BAG1: variants seen among roughly 807,000 people sequenced by gnomAD.
BAG1 encodes the protein BAG family molecular chaperone regulator 1.
BAG1 carries 35 observed loss-of-function variants against 35.5 expected under a neutral mutation model. The observed-to-expected ratio is 0.99, with a 90% CI of 0.75 to 1.31. The LOEUF is 1.31. BAG1 is among the 50% of genes most tolerant of loss of function. The pLI is 0.00. For missense variants in BAG1, 464 were observed against 453.6 expected, an observed-to-expected ratio of 1.02 and a Z score of -0.21; for synonymous variants, 191 against 178.9, an observed-to-expected ratio of 1.07 and a Z score of -0.54.
chr9:33,252,557 T>TTTTATA lies in BAG1; in HGVS notation c.*2661_*2662insTATAAA, dbSNP rs1820358413. On this transcript the variant is annotated 3_prime_UTR_variant, in exon 7 of 7. Transcript: ENST00000634734. ...TGTTATATATGTTATATATGTTATG[T>TTTTATA]TATATATATATATGTTATATATGTA... 1 of 148,162 alleles carries TTTTATA rather than the reference T, an allele frequency of 6.7e-6. No homozygotes were observed. Among genetic ancestry groups the TTTTATA allele is most frequent in the Admixed American group, 6.7e-5 (1 of 14,820 alleles). 9.2% of individuals were successfully genotyped at this position (148,162 alleles called of 1,614,324 possible).
In BAG1 at chr9:33,255,038, G is replaced by A; in HGVS notation, c.*181C>T. ...CAGAGACAGAAGGAGAAAACAGATA[G>A]GAGCTTTACTCAAAATCACAAAGAC... On this transcript the variant is annotated 3_prime_UTR_variant, in exon 7 of 7. Coordinates refer to ENST00000634734, the MANE Select transcript of BAG1 (RefSeq NM_004323.6). 1 of 1,541,184 alleles carries A rather than the reference G, an allele frequency of 6.5e-7. No individual in the cohort carries two copies. Among genetic ancestry groups the A allele is most frequent in the Non-Finnish European group, 8.8e-7 (1 of 1,140,462 alleles).
intron 3 of BAG1, chr9:33,260,594 AT>A (rs1045449929): frequency 6.6e-6 from 1 of 152,460 alleles, no homozygotes; most frequent in Admixed American, 6.5e-5. Flanking sequence ...TGCTGACCTC[AT>A]CTGTCTTTTT....
intron 3 of BAG1, among the ~76,000 whole-genome samples, chr9:33,260,691 G>A (rs1564080631): frequency 6.6e-6 from 1 of 152,160 alleles, no homozygotes; most frequent in East Asian, 1.9e-4. Flanking sequence ...TTGGTTAAAG[G>A]GAGAGAGGCT....
intron 1 of BAG1, among the ~76,000 whole-genome samples, chr9:33,263,866 C>T (rs74731826): frequency 1.3e-5 from 2 of 152,224 alleles, no homozygotes; most frequent in Non-Finnish European, 2.9e-5. Flanking sequence ...GCACGAAGTT[C>T]TGACTTATCA....
In BAG1 at chr9:33,261,077, A is replaced by G; in HGVS notation, c.663+10T>C. Reference sequence around the variant, plus strand: ...GATTCTGAGGATTTCTGATGGAAAAAGCAATTTACCTTTTTCCCAATTAAC... The same window carrying G: ...GATTCTGAGGATTTCTGATGGAAAAGGCAATTTACCTTTTTCCCAATTAAC... On this transcript the variant is annotated intron_variant, in intron 3 of 6. Coordinates refer to ENST00000634734, the MANE Select transcript of BAG1 (RefSeq NM_004323.6). 6.3e-7 allele frequency: 1 copy of G among 1,596,894 alleles called. No individual in the cohort carries two copies. Among genetic ancestry groups the G allele is most frequent in the Non-Finnish European group, 8.5e-7 (1 of 1,170,326 alleles).
chr9:33,253,057 G>A lies in BAG1; in HGVS notation c.*2162C>T, dbSNP rs1175908754. 1 of 152,198 alleles carries A rather than the reference G, an allele frequency of 6.6e-6. No individual in the cohort carries two copies. Among genetic ancestry groups the A allele is most frequent in the Admixed American group, 6.5e-5 (1 of 15,284 alleles). 9.4% of individuals were successfully genotyped at this position (152,198 alleles called of 1,614,324 possible). On this transcript the variant is annotated 3_prime_UTR_variant, in exon 7 of 7. Transcript: ENST00000634734. ...GTAAAGACTTTTGCCTAAAGAGAAA[G>A]TGAGCCATTGGAGGGTTCTAAGCAG...
chr9:33,256,681 G>C, intron 5 of BAG1, 120 bp downstream of exon 5: 2 of 782,156 alleles, frequency 2.6e-6, no homozygotes, highest in South Asian at 3.4e-5. Flanking sequence ...AATAGTAGAT[G>C]CTTAATATTC....
chr9:33,259,145 G>C, intron 3 of BAG1, 112 bp from the exon 4 acceptor site: 1 of 754,592 alleles, frequency 1.3e-6, no homozygotes, highest in Non-Finnish European at 2.1e-6. Flanking sequence ...CAGATCATTT[G>C]AGGTCAGGAG....
At chr9:33,261,789 A>T (rs1482011809) in intron 2 of BAG1, 2 of 811,052 alleles carry the variant, frequency 2.5e-6, no homozygotes, top group Non-Finnish European at 3.0e-6. Context: ...TACCAGAATG[A>T]TAGATTCTCA....
At chr9:33,262,923 A>G (rs1279135149) in intron 1 of BAG1, 93 bp from the exon 2 acceptor site, 3 of 1,532,722 alleles carry the variant, frequency 2.0e-6, no homozygotes, top group Admixed American at 1.9e-5. Context: ...CCAGCCTTCA[A>G]GGCCCAGCTC....
chr9:33,253,153 G>A lies in BAG1; in HGVS notation c.*2066C>T, dbSNP rs1820373501. 6.6e-6 allele frequency: 1 copy of A among 152,322 alleles called. No homozygotes were observed. Among genetic ancestry groups the A allele is most frequent in the Admixed American group, 6.5e-5 (1 of 15,286 alleles). 9.4% of individuals were successfully genotyped at this position (152,322 alleles called of 1,614,324 possible). On this transcript the variant is annotated 3_prime_UTR_variant, in exon 7 of 7. Transcript: ENST00000634734. ...TCTAAAGAAAATGAACTAGAGCAGA[G>A]AGGAAGTGGGAGCTAGAGGGAGAGG... is the stretch of plus-strand genomic sequence containing the variant.
intron 3 of BAG1, 82 bp downstream of exon 3, chr9:33,261,004 CA>C (rs1215539596): frequency 2.7e-6 from 3 of 1,128,230 alleles, no homozygotes; most frequent in Non-Finnish European, 3.8e-6. Context: ...TCTGGGTCCC[CA>C]GTTTGGTCTT....
chr9:33,264,071 A>C (rs567230694), intron 1 of BAG1, 153 bp downstream of exon 1: 1 of 924,826 alleles, frequency 1.1e-6, no homozygotes, highest in South Asian at 1.7e-5. Flanking sequence ...GCCCGGGACA[A>C]AAGACAGTTC....
In BAG1 at chr9:33,264,669, A is replaced by G. The variant is rs760456112; in HGVS notation, c.6T>C (p.Ala2=). ...GCGGTCTCCGCGCCCCCCCGCGCTGAGCCAGGCCCGCACTTGTTGACCGCC... is the reference window on the plus strand; with the variant it reads ...GCGGTCTCCGCGCCCCCCCGCGCTGGGCCAGGCCCGCACTTGTTGACCGCC... The change falls in exon 1 of 7, where the codon GCT becomes GCC. Residue 2 remains alanine (A), a synonymous_variant. Transcript: ENST00000634734. 26 of 1,348,160 alleles carry G rather than the reference A, an allele frequency of 1.9e-5. 1 individual carries two copies. The East Asian group carries it at 4.2e-4, about 22-fold the overall frequency. 83.5% of individuals were successfully genotyped at this position (1,348,160 alleles called of 1,614,324 possible).
intron 4 of BAG1, 59 bp from the exon 5 acceptor site, chr9:33,256,967 C>A (rs1218152175): frequency 1.6e-6 from 2 of 1,272,720 alleles, no homozygotes; most frequent in East Asian, 4.6e-5. Context: ...AGACTCCATG[C>A]CACAATACTA....
intron 1 of BAG1, among the ~76,000 whole-genome samples, chr9:33,263,466 G>A (rs1587792460): frequency 6.6e-6 from 1 of 152,192 alleles, no homozygotes; most frequent in African/African-American, 2.4e-5. Flanking sequence ...CCAGGGATGC[G>A]GACAGCAAGG....
At position 33,255,891 on chromosome 9, in the gene BAG1, T is replaced by C; in HGVS notation, c.922A>G (p.Arg308Gly). The stretch of plus-strand genomic sequence containing the variant: ...TGAACCTTTTTTACCAAGCCTTTCC[T>C]TTTCAATCTACTGTCTTTGAAATTT... The change falls in exon 6 of 7, where the codon AGG becomes GGG. Residue 308 changes from arginine (R) to glycine (G), a missense_variant. Arg to Gly is a moderately radical substitution (Grantham distance 125). Coordinates refer to ENST00000634734, the MANE Select transcript of BAG1 (RefSeq NM_004323.6). 1 of 1,614,108 alleles carries C rather than the reference T, an allele frequency of 6.2e-7. No individual in the cohort carries two copies. The highest frequency in any genetic ancestry group is 8.5e-7 in the Non-Finnish European group (1 of 1,179,912).
rs776334161 is a variant in BAG1, at chr9:33,255,198, A to G, written c.*21T>C. The G allele has an allele frequency of 5.6e-6, 9 of 1,614,256 alleles. No homozygotes were observed. Among genetic ancestry groups the G allele is most frequent in the Middle Eastern group, 1.6e-4 (1 of 6,062 alleles). ...TGGTGGCGCCATTCTTCAGGGCAGC[A>G]CAGCCTTTTTCTGCTACACCTCACT... On this transcript the variant is annotated 3_prime_UTR_variant, in exon 7 of 7. Transcript: ENST00000634734.
At chr9:33,263,761 C>A (rs1485374069) in intron 1 of BAG1, among the ~76,000 whole-genome samples, 1 of 123,114 alleles carries the variant, frequency 8.1e-6, no homozygotes, top group Admixed American at 9.0e-5. Flanking sequence ...AGTAGGCAGA[C>A]CCAAAGGGTG....
Sources: allele counts gnomAD v4.1 joint callset (sites outside exome capture counted in the v4.1 genomes callset), GRCh38; gene constraint gnomAD v4.1.1; transcripts MANE v1.5; gene names NCBI Gene and HGNC (gene_info 2026-07-23, HGNC 2026-07-21).